TAPT1: variants seen among roughly 807,000 people sequenced by gnomAD.
TAPT1 encodes the protein transmembrane anterior posterior transformation protein 1 homolog.
In TAPT1, 28 loss-of-function variants were observed where a neutral mutation model predicts 65.6. That is an observed-to-expected ratio of 0.43 (90% CI 0.32 to 0.59). The LOEUF (loss-of-function observed/expected upper bound fraction) is 0.59, where lower values mean the gene tolerates loss of function less well. Among genes scored for constraint, TAPT1 ranks in the 20% least tolerant of loss-of-function variants. The pLI is 0.09. For missense variants in TAPT1, 563 were observed against 679.9 expected (o/e 0.83, Z 1.91); for synonymous variants, 278 against 245.2 (o/e 1.13, Z -1.25).
intron 9 of TAPT1, 36 bp from the exon 10 acceptor site, chr4:16,174,765 A>C: frequency 7.1e-7 from 1 of 1,414,264 alleles, no homozygotes; most frequent in Non-Finnish European, 9.6e-7. Context: ...CAAGTAATAC[A>C]GTAAAAATAT....
In TAPT1 at chr4:16,226,149, G is replaced by A. The variant is rs1463873068; in HGVS notation, c.199+110C>T. ...GCCCACAGCCTGGGGAGCCCCGGGAGGCAACGGCAGCCGCGCGGCTCGGGG... is the reference window on the plus strand; with the variant it reads ...GCCCACAGCCTGGGGAGCCCCGGGAAGCAACGGCAGCCGCGCGGCTCGGGG... On this transcript the variant is annotated intron_variant, in intron 1 of 13. Coordinates refer to ENST00000405303, the MANE Select transcript of TAPT1 (RefSeq NM_153365.3). 2.4e-5 allele frequency: 25 copies of A among 1,026,448 alleles called. No homozygotes were observed. The East Asian group carries it at 1.0e-3, about 43-fold the overall frequency. The allele number at this position is 1,026,448 out of a possible 1,614,324, so 63.6% of individuals were successfully genotyped here.
intron 7 of TAPT1, chr4:16,183,145 T>A (rs1435583298): frequency 6.9e-6 from 1 of 145,596 alleles, no homozygotes; most frequent in Non-Finnish European, 1.5e-5. Context: ...CTCCTGATCT[T>A]TCCATTTTAA....
chr4:16,213,968 C>T, intron 1 of TAPT1, 70 bp from the exon 2 acceptor site: 3 of 1,382,030 alleles, frequency 2.2e-6, no homozygotes, highest in Non-Finnish European at 2.9e-6. Flanking sequence ...CTAGCTGGGG[C>T]CACAGGTAAT....
intron 8 of TAPT1, among the ~76,000 whole-genome samples, chr4:16,177,819 G>T (rs981685076): frequency 5.4e-5 from 8 of 148,712 alleles, no homozygotes; most frequent in Non-Finnish European, 1.0e-4. Context: ...CACTTTGTTG[G>T]TTTTTTTTTT....
At chr4:16,204,560 A>G (rs1750232581) in intron 2 of TAPT1, among the ~76,000 whole-genome samples, 1 of 152,292 alleles carries the variant, frequency 6.6e-6, no homozygotes, top group South Asian at 2.1e-4. Flanking sequence ...TGAAAACAAT[A>G]AAAGGACAGA....
At chr4:16,208,388 C>T (rs1750463255) in intron 2 of TAPT1, among the ~76,000 whole-genome samples, 1 of 152,142 alleles carries the variant, frequency 6.6e-6, no homozygotes, top group Non-Finnish European at 1.5e-5. Flanking sequence ...GTCCTAGCCT[C>T]CTTTGCAGCT....
At chr4:16,197,363 C>A (rs371430184) in intron 3 of TAPT1, among the ~76,000 whole-genome samples, 2 of 152,322 alleles carry the variant, frequency 1.3e-5, no homozygotes, top group African/African-American at 4.8e-5. Flanking sequence ...GTATCACTTT[C>A]TAAAATGTTT....
chr4:16,172,407 T>C (rs1421010356), intron 11 of TAPT1, among the ~76,000 whole-genome samples: 1 of 152,144 alleles, frequency 6.6e-6, no homozygotes, highest in Non-Finnish European at 1.5e-5. Context: ...TTTGTATGTT[T>C]CATATTTCTA....
Position 16,194,464 on chromosome 4 carries a change from C to T in TAPT1, c.450-2941G>A, listed in dbSNP as rs902630055. 2.6e-5 allele frequency among the ~76,000 whole-genome samples: 4 copies of T among 152,324 alleles called. No homozygotes were observed. In the South Asian group the frequency reaches 8.3e-4, roughly 32 times the overall value. On this transcript the variant is annotated intron_variant, in intron 3 of 13. Coordinates refer to ENST00000405303, the MANE Select transcript of TAPT1 (RefSeq NM_153365.3). ...CTCCAGAAGGCATGCTCTTCAGAAA[C>T]ATCTGCACTCTAGACTTTTTAAAAC...
chr4:16,196,482 T>C (rs1406327727), intron 3 of TAPT1, among the ~76,000 whole-genome samples: 1 of 152,178 alleles, frequency 6.6e-6, no homozygotes, highest in African/African-American at 2.4e-5. Flanking sequence ...CACAAAGAAA[T>C]GTGGACAAAG....
chr4:16,170,146 T>C (rs1254792311), intron 12 of TAPT1, among the ~76,000 whole-genome samples: 2 of 152,240 alleles, frequency 1.3e-5, no homozygotes, highest in East Asian at 1.9e-4. Context: ...TCTTAATTAG[T>C]TGTTAATTTA....
At chr4:16,211,114 A>C (rs1410897931) in intron 2 of TAPT1, among the ~76,000 whole-genome samples, 1 of 152,056 alleles carries the variant, frequency 6.6e-6, no homozygotes, top group African/African-American at 2.4e-5. Context: ...AAAATATAAA[A>C]ATTAATTACA....
chr4:16,200,478 CCATGTCTGG>C (rs1244995342), intron 3 of TAPT1, among the ~76,000 whole-genome samples: 1 of 152,068 alleles, frequency 6.6e-6, no homozygotes, highest in Non-Finnish European at 1.5e-5. Context: ...ACATGTGCCA[CCATGTCTGG>C]CTAATTTTTT....
chr4:16,217,133 C>T (rs1448400075), intron 1 of TAPT1, among the ~76,000 whole-genome samples: 1 of 152,198 alleles, frequency 6.6e-6, no homozygotes, highest in Non-Finnish European at 1.5e-5. Flanking sequence ...GTGAAGACTT[C>T]CCTAAGTTTC....
chr4:16,226,486 G>A (rs1210086589), upstream of TAPT1: 50 of 1,043,606 alleles, frequency 4.8e-5, no homozygotes, highest in Admixed American at 6.1e-4. Context: ...TGTCCCCGCC[G>A]CCTCCCTCCA....
At position 16,166,991 on chromosome 4, in the gene TAPT1, CTTTTTTTTTTTT is replaced by C. The variant is rs5856341; in HGVS notation, c.1314-210_1314-199del. On this transcript the variant is annotated intron_variant, in intron 12 of 13. Coordinates refer to ENST00000405303, the MANE Select transcript of TAPT1 (RefSeq NM_153365.3). ...AAAAACTTCGGAATTCCTTAGTTCT[CTTTTTTTTTTTT>C]TTTTTTTTTGAGACAGAGTCTCACT... 13 of 160,652 alleles carry C rather than the reference CTTTTTTTTTTTT, an allele frequency of 8.1e-5. 1 individual carries two copies. The highest frequency in any genetic ancestry group is 7.2e-4 in the Admixed American group (10 of 13,936). 10.0% of individuals were successfully genotyped at this position (160,652 alleles called of 1,614,324 possible). A position where few individuals can be genotyped will look rare whatever the true frequency, so the allele number is the denominator to read the frequency against.
chr4:16,164,384 T>C (rs1399281224), intron 13 of TAPT1, among the ~76,000 whole-genome samples: 2 of 152,114 alleles, frequency 1.3e-5, no homozygotes, highest in East Asian at 3.9e-4. Flanking sequence ...TCCCTCTCTT[T>C]AGCTTGACTT....
At chr4:16,200,287 C>G (rs1749955222) in intron 3 of TAPT1, among the ~76,000 whole-genome samples, 1 of 152,164 alleles carries the variant, frequency 6.6e-6, no homozygotes, top group Non-Finnish European at 1.5e-5. Context: ...TAATGTAGCT[C>G]ATAATGTAGA....
intron 2 of TAPT1, among the ~76,000 whole-genome samples, chr4:16,213,433 A>C (rs1487775453): frequency 6.6e-6 from 1 of 152,242 alleles, no homozygotes; most frequent in African/African-American, 2.4e-5. Context: ...AATGGGGGAA[A>C]AAAAACCTGT....
Sources: allele counts gnomAD v4.1 joint callset (sites outside exome capture counted in the v4.1 genomes callset), GRCh38; gene constraint gnomAD v4.1.1; transcripts MANE v1.5; gene names NCBI Gene and HGNC (gene_info 2026-07-23, HGNC 2026-07-21).